Variants in TYR observed in about 807,000 individuals in gnomAD.
The protein encoded by TYR is tyrosinase.
TYR carries 58 observed loss-of-function variants against 51.5 expected under a neutral mutation model. That is an observed-to-expected ratio of 1.13 (90% CI 0.91 to 1.40). TYR has a LOEUF of 1.40. Among genes scored for constraint, TYR ranks in the 40% most tolerant of loss-of-function variants. The pLI is 0.00. For missense variants in TYR, 732 were observed against 647.4 expected (o/e 1.13, Z -1.42); for synonymous variants, 263 against 235.2 (o/e 1.12, Z -1.08).
chr11:89,195,169 T>C (rs1326920404), intron 2 of TYR, among the ~76,000 whole-genome samples: 2 of 152,206 alleles, frequency 1.3e-5, no homozygotes, highest in Non-Finnish European at 2.9e-5. Flanking sequence ...ATGGAATTGT[T>C]ACTTTTGATT....
chr11:89,230,231 T>C (rs1944029276), intron 3 of TYR, among the ~76,000 whole-genome samples: 1 of 152,128 alleles, frequency 6.6e-6, no homozygotes, highest in African/African-American at 2.4e-5. Context: ...GTCAATCCAA[T>C]AATTTACATT....
intron 3 of TYR, among the ~76,000 whole-genome samples, chr11:89,280,628 C>A (rs1944709964): frequency 6.6e-6 from 1 of 151,220 alleles, no homozygotes; most frequent in South Asian, 2.1e-4. Context: ...ATTTCAGATT[C>A]TATGTCTCAT....
At chr11:89,203,654 C>T (rs568373898) in intron 2 of TYR, among the ~76,000 whole-genome samples, 23 of 152,174 alleles carry the variant, frequency 1.5e-4, no homozygotes, top group Admixed American at 9.2e-4. Context: ...TGGGATCTCA[C>T]GGTATGATGG....
chr11:89,291,227 C>CATA (rs1944849726), intron 4 of TYR, among the ~76,000 whole-genome samples: 1 of 151,944 alleles, frequency 6.6e-6, no homozygotes, highest in South Asian at 2.1e-4. Context: ...GTTTCAGACA[C>CATA]TGTACCAGAT....
At chr11:89,229,531 T>A (rs1371247157) in intron 3 of TYR, among the ~76,000 whole-genome samples, 1 of 150,050 alleles carries the variant, frequency 6.7e-6, no homozygotes, top group Non-Finnish European at 1.5e-5. Flanking sequence ...AATATAGTAT[T>A]AAAAGGTCTA....
intron 1 of TYR, among the ~76,000 whole-genome samples, chr11:89,188,848 G>C (rs1409079275): frequency 6.6e-6 from 1 of 151,912 alleles, no homozygotes; most frequent in Non-Finnish European, 1.5e-5. Flanking sequence ...AGGGCAAAGA[G>C]GCCAGTGAAG....
At chr11:89,255,528 C>T (rs1388515916) in intron 3 of TYR, among the ~76,000 whole-genome samples, 6 of 151,726 alleles carry the variant, frequency 4.0e-5, no homozygotes, top group African/African-American at 1.4e-4. Flanking sequence ...ATAAAGTCAG[C>T]TAGATTAGAA....
At chr11:89,289,562 G>A (rs1000825482) in intron 4 of TYR, among the ~76,000 whole-genome samples, 3 of 151,900 alleles carry the variant, frequency 2.0e-5, no homozygotes, top group African/African-American at 7.3e-5. Flanking sequence ...TACCTGCCAG[G>A]TGCTGAGGGT....
chr11:89,188,889 T>C (rs1943408534), intron 1 of TYR, among the ~76,000 whole-genome samples: 1 of 151,798 alleles, frequency 6.6e-6, no homozygotes, highest in Admixed American at 6.6e-5. Flanking sequence ...GAAAGATCAG[T>C]AGGAAATAAT....
At chr11:89,261,831 T>C (rs1394594892) in intron 3 of TYR, among the ~76,000 whole-genome samples, 2 of 151,906 alleles carry the variant, frequency 1.3e-5, no homozygotes, top group African/African-American at 4.8e-5. Context: ...TTTGAAAAGA[T>C]TGAAATCATA....
intron 3 of TYR, among the ~76,000 whole-genome samples, chr11:89,247,704 C>T (rs1944283774): frequency 6.6e-6 from 1 of 152,096 alleles, no homozygotes; most frequent in African/African-American, 2.4e-5. Context: ...AGATGATGTG[C>T]CCAAAGGCAC....
At chr11:89,211,898 A>G (rs1408318372) in intron 2 of TYR, among the ~76,000 whole-genome samples, 2 of 152,228 alleles carry the variant, frequency 1.3e-5, no homozygotes, top group Admixed American at 1.3e-4. Context: ...TTTAAAACCA[A>G]TTATAACAAA....
rs565772671 is a variant in TYR at position 89,203,871 on chromosome 11, T to C, written c.1036+12453T>C. Among the ~76,000 whole-genome samples the C allele has an allele frequency of 9.3e-4, 141 of 152,300 alleles. 1 individual carries two copies. The highest frequency in any genetic ancestry group is 3.3e-3 in the African/African-American group (137 of 41,586). On this transcript the variant is annotated intron_variant, in intron 2 of 4. Coordinates refer to ENST00000263321, the MANE Select transcript of TYR (RefSeq NM_000372.5). ...CAGTAACTACTCTATTTCATTCAAATTCAAAAACAGAAAAACTGAGGCACA... is the reference window on the plus strand; with the variant it reads ...CAGTAACTACTCTATTTCATTCAAACTCAAAAACAGAAAAACTGAGGCACA...
In TYR at chr11:89,234,139, C is replaced by T. The variant is rs553574409; in HGVS notation, c.1184+6169C>T. 7.7e-5 allele frequency among the ~76,000 whole-genome samples: 11 copies of T among 143,726 alleles called. 3 individuals carry two copies. Among genetic ancestry groups the T allele is most frequent in the African/African-American group, 3.0e-4 (11 of 36,504 alleles). 94.3% of individuals were successfully genotyped at this position (143,726 alleles called of 152,430 possible). A position where few individuals can be genotyped will look rare whatever the true frequency, so the allele number is the denominator to read the frequency against. On this transcript the variant is annotated intron_variant, in intron 3 of 4. Coordinates refer to ENST00000263321, the MANE Select transcript of TYR (RefSeq NM_000372.5). ...GATAACTTGCTGCAGCTTTCCATTG[C>T]ACTTGTTGCTTCACTTTGCAGTTTT...
chr11:89,215,164 A>T (rs1943815486), intron 2 of TYR, among the ~76,000 whole-genome samples: 2 of 152,200 alleles, frequency 1.3e-5, no homozygotes, highest in Non-Finnish European at 2.9e-5. Flanking sequence ...ATGTGATATA[A>T]TATCTATATA....
intron 3 of TYR, among the ~76,000 whole-genome samples, chr11:89,251,437 G>A (rs923224620): frequency 6.6e-5 from 10 of 151,768 alleles, no homozygotes; most frequent in East Asian, 1.9e-4. Context: ...TTATCCTAAA[G>A]TAAAGCATGC....
chr11:89,215,510 A>C (rs562923392), intron 2 of TYR, among the ~76,000 whole-genome samples: 39 of 148,128 alleles, frequency 2.6e-4, no homozygotes, highest in Non-Finnish European at 4.7e-4. Context: ...CCTAGAACTT[A>C]AAGTATAATA....
At chr11:89,223,131 C>A (rs1366492777) in intron 2 of TYR, among the ~76,000 whole-genome samples, 1 of 152,092 alleles carries the variant, frequency 6.6e-6, no homozygotes. Context: ...TCATTGATTC[C>A]CCAACTACTA....
intron 2 of TYR, among the ~76,000 whole-genome samples, chr11:89,214,049 C>G (rs1311094037): frequency 6.6e-6 from 1 of 152,154 alleles, no homozygotes; most frequent in African/African-American, 2.4e-5. Flanking sequence ...GACTAAAACA[C>G]CAAAAGCAAT....
Sources: allele counts gnomAD v4.1 joint callset (sites outside exome capture counted in the v4.1 genomes callset), GRCh38; gene constraint gnomAD v4.1.1; transcripts MANE v1.5; gene names NCBI Gene and HGNC (gene_info 2026-07-23, HGNC 2026-07-21).